DHRS3: variants seen among roughly 807,000 people sequenced by gnomAD.
DHRS3 encodes the protein dehydrogenase/reductase 3.
DHRS3 carries 14 observed loss-of-function variants against 27.2 expected under a neutral mutation model. The ratio of observed to expected loss-of-function variants is 0.52; its 90% CI spans 0.34 to 0.81. The LOEUF is 0.81. Among genes scored for constraint, DHRS3 ranks in the 30% least tolerant of loss-of-function variants. DHRS3 has a pLI of 0.01. For synonymous variants in DHRS3, 165 were observed against 175.9 expected, an observed-to-expected ratio of 0.94 and a Z score of 0.49; for missense variants, 322 against 406.2, an observed-to-expected ratio of 0.79 and a Z score of 1.78.
In DHRS3 at chr1:12,578,971, G is replaced by C. The variant is rs377237878; in HGVS notation, c.460-15C>G. 268 of 1,603,332 alleles carry C rather than the reference G, an allele frequency of 1.7e-4. 4 individuals are homozygous for C. In the South Asian group the frequency reaches 2.2e-3, roughly 13 times the overall value. On this transcript the variant is annotated splice_polypyrimidine_tract_variant and intron_variant, in intron 3 of 5. Coordinates refer to ENST00000616661, the MANE Select transcript of DHRS3 (RefSeq NM_004753.7). This position sits in a 1 kb window ranked among gnomAD's most constrained non-coding sequence, Gnocchi z 4.5. ...GCCTTGGTGGTCTGAGGGCAGATGG[G>C]GTGTCAGGGTGGAGCAGCTGCAGCT...
At chr1:12,583,782 G>GCATC (rs1475280961) in intron 1 of DHRS3, among the ~76,000 whole-genome samples, 1 of 136,626 alleles carries the variant, frequency 7.3e-6, no homozygotes, top group African/African-American at 2.8e-5. Context: ...ATCCATCCAT[G>GCATC]CATCCATCCA....
intron 3 of DHRS3, 121 bp from the exon 4 acceptor site, chr1:12,579,077 C>T (rs61776830): frequency 0.013 from 15,963 of 1,247,858 alleles, 145 homozygotes; most frequent in Non-Finnish European, 0.015. Context: ...AGCCTTCCTG[C>T]GAGGGAGAGG....
At chr1:12,579,548 T>C (rs548528405) in intron 2 of DHRS3, 136 bp from the exon 3 acceptor site, 5 of 1,322,200 alleles carry the variant, frequency 3.8e-6, no homozygotes, top group East Asian at 2.7e-5. Flanking sequence ...CCATCTCGGC[T>C]CACTGCCACC....
intron 1 of DHRS3, among the ~76,000 whole-genome samples, chr1:12,587,941 A>G (rs1299619123): frequency 2.6e-5 from 4 of 152,262 alleles, no homozygotes; most frequent in African/African-American, 9.6e-5. Context: ...TTGTTGAGTG[A>G]GTGAGGGAGG....
At chr1:12,585,211 A>ATCTCTGTGTGTCTCTGTGTGTG (rs145659460) in intron 1 of DHRS3, among the ~76,000 whole-genome samples, 5 of 140,178 alleles carry the variant, frequency 3.6e-5, no homozygotes, top group African/African-American at 6.0e-5. Flanking sequence ...GTGTCTGTGT[A>ATCTCTGTGTGTCTCTGTGTGTG]TCTCTGTGTG....
rs1017610627 is a variant in DHRS3 at position 12,594,579 on chromosome 1, T to A, written c.196-13913A>T. 6.6e-6 allele frequency among the ~76,000 whole-genome samples: 1 copy of A among 152,118 alleles called. No homozygotes were observed. The highest frequency in any genetic ancestry group is 2.1e-4 in the South Asian group (1 of 4,820). ...GGGGAAAGGTGCAGGGAAGTCCTCT[T>A]GGTTAAAGTAACATTTTGGAAGAGA... On this transcript the variant is annotated intron_variant, in intron 1 of 5. Coordinates refer to ENST00000616661, the MANE Select transcript of DHRS3 (RefSeq NM_004753.7). This position sits in a 1 kb window ranked among gnomAD's most constrained non-coding sequence, Gnocchi z 4.1.
chr1:12,577,845 C>A (rs1483794958), intron 4 of DHRS3, among the ~76,000 whole-genome samples: 1 of 152,108 alleles, frequency 6.6e-6, no homozygotes, highest in African/African-American at 2.4e-5. Context: ...AATAAACAAA[C>A]AAATAAATTG....
intron 1 of DHRS3, among the ~76,000 whole-genome samples, chr1:12,580,879 G>A (rs1373365769): frequency 6.6e-6 from 1 of 152,074 alleles, no homozygotes; most frequent in African/African-American, 2.4e-5. Context: ...CTAGAACGCA[G>A]CAGTGCGATC....
At position 12,616,872 on chromosome 1, in the gene DHRS3, G is replaced by A. The variant is rs1646948383; in HGVS notation, c.195+282C>T. 36 of 1,049,450 alleles carry A rather than the reference G, an allele frequency of 3.4e-5. No homozygotes were observed. The South Asian group carries it at 6.5e-4, about 19-fold the overall frequency. The allele number at this position is 1,049,450 out of a possible 1,614,324, so 65.0% of individuals were successfully genotyped here. ...ACCTTCCTTTGGGAGGCAGGAATGTGGGAAATGGTGGGTCTCTTAGGTTTC... is the reference window on the plus strand; with the variant it reads ...ACCTTCCTTTGGGAGGCAGGAATGTAGGAAATGGTGGGTCTCTTAGGTTTC... On this transcript the variant is annotated intron_variant, in intron 1 of 5. Coordinates refer to ENST00000616661, the MANE Select transcript of DHRS3 (RefSeq NM_004753.7).
chr1:12,612,133 A>C (rs747356677), intron 1 of DHRS3, among the ~76,000 whole-genome samples: 1 of 152,098 alleles, frequency 6.6e-6, no homozygotes, highest in Non-Finnish European at 1.5e-5. Flanking sequence ...TGCTCTAAGC[A>C]GAAACACTTC....
chr1:12,570,516 C>T (rs1424725022), intron 5 of DHRS3, among the ~76,000 whole-genome samples: 1 of 152,146 alleles, frequency 6.6e-6, no homozygotes, highest in Non-Finnish European at 1.5e-5. Flanking sequence ...TTGAGCCTTG[C>T]TTTCTCCTGG....
chr1:12,584,878 A>AGTGT (rs35962425), intron 1 of DHRS3, among the ~76,000 whole-genome samples: 1 of 151,086 alleles, frequency 6.6e-6, no homozygotes, highest in Non-Finnish European at 1.5e-5. Flanking sequence ...TGTCTCTGTA[A>AGTGT]GTGTGTGTGT....
At chr1:12,611,894 C>G (rs1242908232) in intron 1 of DHRS3, among the ~76,000 whole-genome samples, 2 of 147,978 alleles carry the variant, frequency 1.4e-5, no homozygotes, top group African/African-American at 5.1e-5. Context: ...GAGTTCGAGA[C>G]TAACCTAAGC....
Position 12,578,613 on chromosome 1 carries a change from C to T in DHRS3, c.698+105G>A. The T allele has an allele frequency of 8.2e-7, 1 of 1,215,502 alleles. No homozygotes were observed. Among genetic ancestry groups the T allele is most frequent in the Non-Finnish European group, 1.2e-6 (1 of 837,174 alleles). 75.3% of individuals were successfully genotyped at this position (1,215,502 alleles called of 1,614,324 possible). ...GGATTATAGGTATGAGGCACCGTGCCTAGCCCGATTTTTATATCAGAGCTC... is the reference window on the plus strand; with the variant it reads ...GGATTATAGGTATGAGGCACCGTGCTTAGCCCGATTTTTATATCAGAGCTC... On this transcript the variant is annotated intron_variant, in intron 4 of 5. Transcript: ENST00000616661. This position sits in a 1 kb window ranked among gnomAD's most constrained non-coding sequence, Gnocchi z 4.5.
chr1:12,614,040 G>A (rs187793089), intron 1 of DHRS3, among the ~76,000 whole-genome samples: 1,776 of 152,238 alleles, frequency 0.012, 32 homozygotes, highest in African/African-American at 0.04. Flanking sequence ...CAAAGTGCTG[G>A]GATTACAGGC....
chr1:12,580,815 T>C (rs1646637896), intron 1 of DHRS3, 149 bp from the exon 2 acceptor site: 1 of 961,972 alleles, frequency 1.0e-6, no homozygotes, highest in South Asian at 1.8e-5. Context: ...ACAACATAGA[T>C]TAATAATATA....
At chr1:12,573,823 C>T (rs1646562095) in intron 4 of DHRS3, among the ~76,000 whole-genome samples, 1 of 152,166 alleles carries the variant, frequency 6.6e-6, no homozygotes, top group Non-Finnish European at 1.5e-5. Flanking sequence ...GACTCATGTA[C>T]AAATTATTCT....
chr1:12,573,811 C>T (rs1314726029), intron 4 of DHRS3, among the ~76,000 whole-genome samples: 1 of 152,214 alleles, frequency 6.6e-6, no homozygotes, highest in Non-Finnish European at 1.5e-5. Context: ...CCCTACGTGC[C>T]AGACTCATGT....
Position 12,594,266 on chromosome 1 carries a change from C to T in DHRS3, c.196-13600G>A, listed in dbSNP as rs1422270430. Among the ~76,000 whole-genome samples, 2 of 152,226 alleles carry T rather than the reference C, an allele frequency of 1.3e-5. No individual in the cohort carries two copies. The highest frequency in any genetic ancestry group is 2.9e-5 in the Non-Finnish European group (2 of 68,046). The stretch of plus-strand genomic sequence containing the variant: ...CTCCAAAGGGAAGCTCTTTTAACAA[C>T]CCTGTCCTGCCTCATTCATTCATTC... On this transcript the variant is annotated intron_variant, in intron 1 of 5. Coordinates refer to ENST00000616661, the MANE Select transcript of DHRS3 (RefSeq NM_004753.7). This position sits in a 1 kb window ranked among gnomAD's most constrained non-coding sequence, Gnocchi z 4.1.
Sources: gnomAD v4.1 joint callset for allele counts (sites outside exome capture counted in the v4.1 genomes callset) on GRCh38, gnomAD v4.1.1 for gene constraint, Gnocchi (gnomAD v3.1) non-coding constraint, MANE v1.5 for transcripts, NCBI Gene and HGNC (gene_info 2026-07-23, HGNC 2026-07-21) for gene names.